The following NFIC variants were observed in gnomAD, a reference collection of about 807,000 sequenced individuals.
NFIC encodes the protein nuclear factor 1 C-type.
NFIC carries 12 observed loss-of-function variants against 54.4 expected under a neutral mutation model. That is an observed-to-expected ratio of 0.22 (90% CI 0.14 to 0.36). The LOEUF (loss-of-function observed/expected upper bound fraction) is 0.36, where lower values mean the gene tolerates loss of function less well. Among genes scored for constraint, NFIC ranks in the 10% least tolerant of loss-of-function variants. The pLI is 1.00. For missense variants in NFIC, 575 were observed against 718.2 expected (o/e 0.80, Z 2.28); for synonymous variants, 322 against 319.2 (o/e 1.01, Z -0.09).
intron 1 of NFIC, among the ~76,000 whole-genome samples, chr19:3,360,360 G>C (rs983219277): frequency 1.4e-4 from 21 of 150,400 alleles, no homozygotes; most frequent in African/African-American, 4.6e-4. Flanking sequence ...GCTGCCGCGC[G>C]CGCGGGGTCC....
intron 6 of NFIC, 102 bp from the exon 7 acceptor site, chr19:3,448,912 G>A (rs960671296): frequency 2.7e-6 from 4 of 1,487,696 alleles, no homozygotes; most frequent in Non-Finnish European, 3.6e-6. Flanking sequence ...GAGGAGGCGG[G>A]GTGATGAGGC....
intron 3 of NFIC, among the ~76,000 whole-genome samples, chr19:3,429,092 C>T (rs1161591035): frequency 6.7e-6 from 1 of 148,916 alleles, no homozygotes; most frequent in Non-Finnish European, 1.5e-5. Context: ...CAAGACCAGC[C>T]TGGGTAATAT....
In NFIC at chr19:3,453,795, C is replaced by CT; in HGVS notation, c.1302_1303insT (p.His435SerfsTer107). On this transcript the variant is annotated frameshift_variant, in exon 9 of 11. Transcript: ENST00000443272. LOFTEE classifies it high-confidence loss of function. The surrounding 1 kb of genome is among the most constrained non-coding windows in gnomAD (Gnocchi z 6.7). ...GAAGTGGTCAGCTCAAAATGCCCAG[C>CT]CACTGCCTTTCTGCTCAGATGCTGG... 3.1e-6 allele frequency: 5 copies of CT among 1,606,212 alleles called. No individual in the cohort carries two copies. The highest frequency in any genetic ancestry group is 4.2e-6 in the Non-Finnish European group (5 of 1,176,716).
rs766009094 is a variant in NFIC, at chr19:3,459,974, G to A, written c.1510-2778G>A. Among the ~76,000 whole-genome samples the A allele has an allele frequency of 3.0e-4, 45 of 152,314 alleles. 1 individual carries two copies. The highest frequency in any genetic ancestry group is 6.8e-3 in the Middle Eastern group (2 of 294). On this transcript the variant is annotated intron_variant, in intron 10 of 10. Transcript: ENST00000443272. This position sits in a 1 kb window ranked among gnomAD's most constrained non-coding sequence, Gnocchi z 4.2. ...CCAGAGGCACAGCCCTCCCCTCACAGTCCACCCTGGATGCTCCATCTGGGG... is the reference window on the plus strand; with the variant it reads ...CCAGAGGCACAGCCCTCCCCTCACAATCCACCCTGGATGCTCCATCTGGGG...
Position 3,459,168 on chromosome 19 carries a change from GC to G in NFIC, c.1509+2538del, listed in dbSNP as rs1472940774. On this transcript the variant is annotated intron_variant, in intron 10 of 10. Transcript: ENST00000443272. This position sits in a 1 kb window ranked among gnomAD's most constrained non-coding sequence, Gnocchi z 4.2. ...ATTCCTGGCGGATTCGCTTCCCTCT[GC>G]CCCCTCCTCCCCCAAAGCCTGGGTG... Among the ~76,000 whole-genome samples the G allele has an allele frequency of 2.6e-5, 4 of 151,200 alleles. No individual in the cohort carries two copies. Among genetic ancestry groups the G allele is most frequent in the Admixed American group, 2.0e-4 (3 of 15,194 alleles).
intron 6 of NFIC, among the ~76,000 whole-genome samples, chr19:3,441,773 C>G (rs1335500259): frequency 1.3e-5 from 2 of 152,300 alleles, no homozygotes; most frequent in South Asian, 4.1e-4. Context: ...AAGCCGGGTG[C>G]CTCCGCAGAG....
intron 1 of NFIC, among the ~76,000 whole-genome samples, chr19:3,380,212 G>C (rs372951082): frequency 9.5e-5 from 14 of 147,570 alleles, no homozygotes; most frequent in Admixed American, 6.8e-4. Context: ...CACTGTGTTA[G>C]CCAGGATGGT....
chr19:3,466,732 G>T lies in NFIC; in HGVS notation c.*3963G>T, dbSNP rs557325751. On this transcript the variant is annotated 3_prime_UTR_variant, in exon 11 of 11. Coordinates refer to ENST00000443272, the MANE Select transcript of NFIC (RefSeq NM_001245002.2). The surrounding 1 kb of genome is among the most constrained non-coding windows in gnomAD (Gnocchi z 4.8). Reference sequence around the variant, plus strand: ...AACTAGGAGCAACCGGAGGCAAAGGGAGTGGGTGGCCCCATCACTATTGGG... The same window carrying T: ...AACTAGGAGCAACCGGAGGCAAAGGTAGTGGGTGGCCCCATCACTATTGGG... The T allele has an allele frequency of 2.6e-5, 4 of 152,208 alleles. No individual in the cohort carries two copies. Among genetic ancestry groups the T allele is most frequent in the African/African-American group, 9.6e-5 (4 of 41,512 alleles). 9.4% of individuals were successfully genotyped at this position (152,208 alleles called of 1,614,324 possible). A position where few individuals can be genotyped will look rare whatever the true frequency, so the allele number is the denominator to read the frequency against.
rs1425052539 is a variant in NFIC at position 3,459,051 on chromosome 19, C to T, written c.1509+2416C>T. Among the ~76,000 whole-genome samples, 2 of 152,074 alleles carry T rather than the reference C, an allele frequency of 1.3e-5. No homozygotes were observed. Among genetic ancestry groups the T allele is most frequent in the Non-Finnish European group, 2.9e-5 (2 of 67,984 alleles). On this transcript the variant is annotated intron_variant, in intron 10 of 10. Transcript: ENST00000443272. This position sits in a 1 kb window ranked among gnomAD's most constrained non-coding sequence, Gnocchi z 4.2. Reference sequence around the variant, plus strand: ...GGAAGAAGCAGTGAGATCCCGCTCTCCCCTCTCCCAGCTCCCGCTCAAAGG... The same window carrying T: ...GGAAGAAGCAGTGAGATCCCGCTCTTCCCTCTCCCAGCTCCCGCTCAAAGG...
intron 1 of NFIC, among the ~76,000 whole-genome samples, chr19:3,380,644 TTTTTTTTG>T (rs2081191560): frequency 7.3e-6 from 1 of 137,364 alleles, no homozygotes; most frequent in African/African-American, 2.8e-5. Flanking sequence ...TTTTTTTTTT[TTTTTTTTG>T]TGACAGTCTT....
chr19:3,386,273 T>C (rs994543383), intron 2 of NFIC, among the ~76,000 whole-genome samples: 1 of 151,002 alleles, frequency 6.6e-6, no homozygotes, highest in African/African-American at 2.4e-5. Flanking sequence ...TCTTTCCCAT[T>C]CTCACAGCTG....
In NFIC at chr19:3,401,469, T is replaced by C. The variant is rs902303382; in HGVS notation, c.562+19226T>C. On this transcript the variant is annotated intron_variant, in intron 2 of 10. Transcript: ENST00000443272. Reference sequence around the variant, plus strand: ...GATTCAGTTGCTCACCTGGGTCGTTTATACCTTATCTGAGGCTGGCCCTTG... The same window carrying C: ...GATTCAGTTGCTCACCTGGGTCGTTCATACCTTATCTGAGGCTGGCCCTTG... 3.3e-4 allele frequency among the ~76,000 whole-genome samples: 50 copies of C among 152,264 alleles called. 1 individual carries two copies. Among genetic ancestry groups the C allele is most frequent in the Admixed American group, 3.2e-3 (49 of 15,296 alleles).
chr19:3,383,004 G>A (rs745779495), intron 2 of NFIC, among the ~76,000 whole-genome samples: 5 of 151,940 alleles, frequency 3.3e-5, no homozygotes, highest in Non-Finnish European at 4.4e-5. Flanking sequence ...TCACCCTCAC[G>A]TCTGAGGGAG....
chr19:3,380,392 C>T (rs1351852235), intron 1 of NFIC, among the ~76,000 whole-genome samples: 2 of 134,394 alleles, frequency 1.5e-5, no homozygotes, highest in East Asian at 5.2e-4. Context: ...GTGGCACAAT[C>T]TGAGCTCACT....
upstream of NFIC, chr19:3,366,547 T>TGGGG (rs1297245047): frequency 4.2e-5 from 15 of 353,458 alleles, no homozygotes; most frequent in African/African-American, 2.9e-4. Flanking sequence ...GGGGGGGGGT[T>TGGGG]GGGGGGGGCG....
intron 1 of NFIC, among the ~76,000 whole-genome samples, chr19:3,380,906 G>A (rs886333117): frequency 4.0e-5 from 6 of 151,838 alleles, no homozygotes; most frequent in African/African-American, 1.2e-4. Flanking sequence ...CTCCCTCCTC[G>A]GCCTCCCGAA....
rs1180052763 is a variant in NFIC, at chr19:3,369,777, A to G, written c.30+3111A>G. The stretch of plus-strand genomic sequence containing the variant: ...CCTCCCTCCCGCTGGCGCCACCGCC[A>G]CGTTAGTTATTCCGGGTTTGGGGCC... On this transcript the variant is annotated intron_variant, in intron 1 of 10. Transcript: ENST00000443272. This position sits in a 1 kb window ranked among gnomAD's most constrained non-coding sequence, Gnocchi z 4.3. Among the ~76,000 whole-genome samples, 1 of 150,558 alleles carries G rather than the reference A, an allele frequency of 6.6e-6. No individual in the cohort carries two copies. Among genetic ancestry groups the G allele is most frequent in the Non-Finnish European group, 1.5e-5 (1 of 67,644 alleles).
chr19:3,410,409 T>C (rs2081735879), intron 2 of NFIC, among the ~76,000 whole-genome samples: 1 of 152,156 alleles, frequency 6.6e-6, no homozygotes, highest in Admixed American at 6.6e-5. Context: ...GCCATGTAGA[T>C]AGCTGAGGGA....
At chr19:3,378,875 G>C (rs773019956) in intron 1 of NFIC, among the ~76,000 whole-genome samples, 1 of 151,984 alleles carries the variant, frequency 6.6e-6, no homozygotes, top group Non-Finnish European at 1.5e-5. Flanking sequence ...ACTCCACCCG[G>C]GATTTCTCCT....
Sources: gnomAD v4.1 joint callset for allele counts (sites outside exome capture counted in the v4.1 genomes callset) on GRCh38, gnomAD v4.1.1 for gene constraint, Gnocchi (gnomAD v3.1) non-coding constraint, MANE v1.5 for transcripts, NCBI Gene and HGNC (gene_info 2026-07-23, HGNC 2026-07-21) for gene names.